SLC25A22: variants seen among roughly 807,000 people sequenced by gnomAD.
SLC25A22 encodes the protein mitochondrial glutamate carrier 1.
In SLC25A22, 23 loss-of-function variants were observed where a neutral mutation model predicts 33.7. The ratio of observed to expected loss-of-function variants is 0.68; its 90% CI spans 0.49 to 0.97. SLC25A22 has a LOEUF of 0.97. Among genes scored for constraint, SLC25A22 ranks in the 50% least tolerant of loss-of-function variants. The pLI is 0.00. For missense variants in SLC25A22, 390 were observed against 451.1 expected (o/e 0.86, Z 1.23); for synonymous variants, 245 against 203.8 (o/e 1.20, Z -1.72).
rs1864485078 is a variant in SLC25A22 at position 790,932 on chromosome 11, C to T, written c.*983G>A. The T allele has an allele frequency of 6.6e-6, 1 of 152,360 alleles. No individual in the cohort carries two copies. Among genetic ancestry groups the T allele is most frequent in the Admixed American group, 6.5e-5 (1 of 15,286 alleles). 9.4% of individuals were successfully genotyped at this position (152,360 alleles called of 1,614,324 possible). ...AAAAGGAGGGTGGGCCCTGAGAGGA[C>T]TTGGGGGTGTGGCAGCTCCTGGCCC... On this transcript the variant is annotated 3_prime_UTR_variant, in exon 10 of 10. Transcript: ENST00000628067.
chr11:798,103 C>G (rs1316820792), intron 1 of SLC25A22, 114 bp downstream of exon 1: 2 of 397,864 alleles, frequency 5.0e-6, no homozygotes, highest in African/African-American at 4.1e-5. Flanking sequence ...GCCCGCCAGG[C>G]CACGTTGTTC....
chr11:792,169 G>A lies in SLC25A22; in HGVS notation c.791C>T (p.Thr264Ile). The A allele has an allele frequency of 6.2e-7, 1 of 1,612,882 alleles. No individual in the cohort carries two copies. The highest frequency in any genetic ancestry group is 1.7e-5 in the Admixed American group (1 of 60,000). ...QSLQRGVNEDTYSGILDCARK... is the reference protein window; with the variant it reads ...QSLQRGVNEDIYSGILDCARK... ...GGCACAGTCCAGGATCCCAGAGTAG[G>A]TGTCCTCGTTGACGCCTCGCTGAAG... Residue 264 changes from threonine to isoleucine, a missense_variant, in exon 9 of 10, where the codon ACC becomes ATC. Physicochemically the swap from Thr to Ile is moderately conservative, Grantham distance 89. Coordinates refer to ENST00000628067, the MANE Select transcript of SLC25A22 (RefSeq NM_001191061.2).
rs894476789 is a variant in SLC25A22, at chr11:791,004, A to G, written c.*911T>C. ...ACCCTCAGGCTCCACACTGGTCCCA[A>G]TGCCCGCCCTGCTCCCTGGCCAATC... On this transcript the variant is annotated 3_prime_UTR_variant, in exon 10 of 10. Transcript: ENST00000628067. The G allele has an allele frequency of 6.6e-6, 1 of 152,156 alleles. No individual in the cohort carries two copies. Among genetic ancestry groups the G allele is most frequent in the African/African-American group, 2.4e-5 (1 of 41,430 alleles). The allele number at this position is 152,156 out of a possible 1,614,324, so 9.4% of individuals were successfully genotyped here.
intron 5 of SLC25A22, 111 bp downstream of exon 5, chr11:793,418 C>T: frequency 9.7e-7 from 1 of 1,031,772 alleles, no homozygotes; most frequent in Non-Finnish European, 1.5e-6. Context: ...AAGCCCCAAG[C>T]AAGGGGCTGA....
At chr11:795,383 G>A (rs1252516962) in intron 1 of SLC25A22, 4 of 278,066 alleles carry the variant, frequency 1.4e-5, no homozygotes, top group South Asian at 4.9e-5. Flanking sequence ...CCTCCCCACC[G>A]CCAGCGTCTT....
At chr11:794,018 G>C (rs889073639) in intron 4 of SLC25A22, 2 of 470,452 alleles carry the variant, frequency 4.3e-6, no homozygotes, top group Non-Finnish European at 7.9e-6. Context: ...CCAGAGCTCG[G>C]GGGAGGCTGT....
At position 792,117 on chromosome 11, in the gene SLC25A22, C is replaced by T. The variant is rs777523050; in HGVS notation, c.818+25G>A. The T allele has an allele frequency of 1.5e-5, 24 of 1,608,668 alleles. No homozygotes were observed. The East Asian group carries it at 4.5e-4, about 30-fold the overall frequency. On this transcript the variant is annotated intron_variant, in intron 9 of 9. Coordinates refer to ENST00000628067, the MANE Select transcript of SLC25A22 (RefSeq NM_001191061.2). ...CAGCCCGGTACGCAGGCCCCCAGGC[C>T]CCACCCGCCGTGGGACCTCCCCACC...
chr11:797,999 G>C (rs1202700485), intron 1 of SLC25A22: 1 of 398,330 alleles, frequency 2.5e-6, no homozygotes, highest in Non-Finnish European at 4.4e-6. Flanking sequence ...CGTATGTGCG[G>C]GGAGCGCGCC....
rs1481528199 is a variant in SLC25A22, at chr11:794,976, T to G, written c.20+11A>C. The G allele has an allele frequency of 2.6e-6, 4 of 1,560,878 alleles. No individual in the cohort carries two copies. The South Asian group carries it at 3.5e-5, about 14-fold the overall frequency. Reference sequence around the variant, plus strand: ...TGGGGGTGAGGCACGCAGCCAGGACTGGAGTCTGACCTGATCTGCTTATCA... The same window carrying G: ...TGGGGGTGAGGCACGCAGCCAGGACGGGAGTCTGACCTGATCTGCTTATCA... On this transcript the variant is annotated intron_variant, in intron 2 of 9. Transcript: ENST00000628067.
At position 792,023 on chromosome 11, in the gene SLC25A22, G is replaced by A. The variant is rs551917192; in HGVS notation, c.864C>T (p.Ala288=). 6.2e-7 allele frequency: 1 copy of A among 1,605,244 alleles called. No homozygotes were observed. The highest frequency in any genetic ancestry group is 1.1e-5 in the South Asian group (1 of 90,062). The part of the protein sequence containing the change: ...HEGPSAFLKG[A]YCRALVIAPL... ...GCGCGATGACCAGCGCGCGGCAGTA[G>A]GCGCCCTTCAGGAAGGCCGAGGGGC... is the stretch of plus-strand genomic sequence containing the variant. The change falls in exon 10 of 10, where the codon GCC becomes GCT. Residue 288 remains alanine, a synonymous_variant. Coordinates refer to ENST00000628067, the MANE Select transcript of SLC25A22 (RefSeq NM_001191061.2).
At chr11:793,807 C>T in intron 4 of SLC25A22, 188 bp from the exon 5 acceptor site, 1 of 617,526 alleles carries the variant, frequency 1.6e-6, no homozygotes, top group Admixed American at 2.6e-5. Context: ...GGGGCAGCAC[C>T]TCAGGCTCAG....
At chr11:796,971 G>A (rs1565043040) in intron 1 of SLC25A22, among the ~76,000 whole-genome samples, 1 of 152,076 alleles carries the variant, frequency 6.6e-6, no homozygotes, top group Middle Eastern at 3.2e-3. Flanking sequence ...CTCTTCGGGT[G>A]CAGACTGGCC....
intron 4 of SLC25A22, 151 bp downstream of exon 4, chr11:794,307 C>A (rs993503653): frequency 2.2e-6 from 2 of 917,912 alleles, no homozygotes; most frequent in Non-Finnish European, 3.5e-6. Flanking sequence ...TCCAGTCCCC[C>A]CTGCACAGGC....
In SLC25A22 at chr11:791,843, C is replaced by T; in HGVS notation, c.*72G>A. The T allele has an allele frequency of 6.6e-7, 1 of 1,515,558 alleles. No homozygotes were observed. The highest frequency in any genetic ancestry group is 8.8e-7 in the Non-Finnish European group (1 of 1,135,988). The allele number at this position is 1,515,558 out of a possible 1,614,324, so 93.9% of individuals were successfully genotyped here. A position where few individuals can be genotyped will look rare whatever the true frequency, so the allele number is the denominator to read the frequency against. On this transcript the variant is annotated 3_prime_UTR_variant, in exon 10 of 10. Transcript: ENST00000628067. ...GGGGAGGGGTCTTCCCTTGCTCCGT[C>T]CTGGGCTAGCTGCCTGGCTCCAGCC...
intron 1 of SLC25A22, among the ~76,000 whole-genome samples, chr11:796,982 A>G (rs115785011): frequency 0.028 from 4,190 of 150,020 alleles, 202 homozygotes; most frequent in African/African-American, 0.096. Context: ...CAGACTGGCC[A>G]CAGCTCTCCG....
chr11:792,332 G>C lies in SLC25A22; in HGVS notation c.714C>G (p.Ala238=). The change falls in exon 8 of 10, where the codon GCC becomes GCG. Residue 238 remains alanine, a synonymous_variant. Coordinates refer to ENST00000628067, the MANE Select transcript of SLC25A22 (RefSeq NM_001191061.2). ...CACAGGGGTTGACGGCCACAGCGGC[G>C]GCACTCCCAGCCACACAGCCGGCCA... The part of the protein sequence containing the change: ...SFLAGCVAGS[A]AAVAVNPCDV... 6.2e-7 allele frequency: 1 copy of C among 1,613,104 alleles called. No homozygotes were observed. Among genetic ancestry groups the C allele is most frequent in the South Asian group, 1.1e-5 (1 of 91,078 alleles).
intron 1 of SLC25A22, chr11:797,508 G>A (rs911060986): frequency 2.0e-5 from 8 of 397,572 alleles, no homozygotes; most frequent in Non-Finnish European, 3.1e-5. Context: ...AGGCAAGCCA[G>A]GGAGACAGCA....
chr11:795,587 C>T, intron 1 of SLC25A22: 1 of 226,508 alleles, frequency 4.4e-6, no homozygotes, highest in Admixed American at 5.1e-5. Context: ...GCAGCCGGCA[C>T]CTGCCCCCTT....
chr11:792,286 G>A lies in SLC25A22; in HGVS notation c.742+18C>T, dbSNP rs750077318. On this transcript the variant is annotated intron_variant, in intron 8 of 9. Coordinates refer to ENST00000628067, the MANE Select transcript of SLC25A22 (RefSeq NM_001191061.2). ...AGTCCCGCCCCATCCCCAGCCGGGC[G>A]CCATCCCATGCACTGACCATCACAG... is the stretch of plus-strand genomic sequence containing the variant. 16 of 1,612,960 alleles carry A rather than the reference G, an allele frequency of 9.9e-6. No individual in the cohort carries two copies. The highest frequency in any genetic ancestry group is 1.6e-4 in the Middle Eastern group (1 of 6,084).
Sources: allele counts gnomAD v4.1 joint callset (sites outside exome capture counted in the v4.1 genomes callset), GRCh38; gene constraint gnomAD v4.1.1; transcripts MANE v1.5; gene names NCBI Gene and HGNC (gene_info 2026-07-23, HGNC 2026-07-21).